The following DCDC2C variants were observed in gnomAD, a reference collection of about 807,000 sequenced individuals.
DCDC2C encodes doublecortin domain containing 2C.
DCDC2C carries 44 observed loss-of-function variants against 45.0 expected under a neutral mutation model. The ratio of observed to expected loss-of-function variants is 0.98; its 90% CI spans 0.77 to 1.26. The LOEUF (loss-of-function observed/expected upper bound fraction) is 1.26, where lower values mean the gene tolerates loss of function less well. Ranked by LOEUF, DCDC2C falls within the 50% of genes most tolerant of loss-of-function variation. DCDC2C has a pLI of 0.00. For synonymous variants in DCDC2C, 187 were observed against 178.8 expected, an observed-to-expected ratio of 1.05 and a Z score of -0.37; for missense variants, 447 against 468.9, an observed-to-expected ratio of 0.95 and a Z score of 0.43.
chr2:3,708,491 G>T, intron 1 of DCDC2C, 58 bp from the exon 2 acceptor site: 1 of 1,378,448 alleles, frequency 7.3e-7, no homozygotes. Context: ...AAGGAGTCTG[G>T]AACTTTCTAT....
At chr2:3,810,310 A>C (rs1671362266) in intron 10 of DCDC2C, among the ~76,000 whole-genome samples, 1 of 152,216 alleles carries the variant, frequency 6.6e-6, no homozygotes, top group African/African-American at 2.4e-5. Context: ...AGAGTATCTC[A>C]TTGTGGTTTT....
intron 10 of DCDC2C, among the ~76,000 whole-genome samples, chr2:3,829,289 T>C (rs1558245832): frequency 2.6e-5 from 4 of 151,484 alleles, no homozygotes; most frequent in South Asian, 2.1e-4. Context: ...TTTTTCTTTT[T>C]TTTTTTTTTT....
rs1671596774 is a variant in DCDC2C at position 3,818,004 on chromosome 2, G to T, written c.1066-29150G>T. Among the ~76,000 whole-genome samples the T allele has an allele frequency of 6.6e-6, 1 of 152,188 alleles. No homozygotes were observed. Among genetic ancestry groups the T allele is most frequent in the Non-Finnish European group, 1.5e-5 (1 of 68,032 alleles). On this transcript the variant is annotated intron_variant, in intron 10 of 10. Coordinates refer to ENST00000399143, the MANE Select transcript of DCDC2C (RefSeq NM_001287444.2). The surrounding 1 kb of genome is among the most constrained non-coding windows in gnomAD (Gnocchi z 4.7). ...CGGACACAATCAGCAGGGAGAGCAT[G>T]TGTGTTTTCATGAAGAATTATGCCA...
chr2:3,836,678 G>C (rs779670681), intron 10 of DCDC2C, among the ~76,000 whole-genome samples: 2 of 152,124 alleles, frequency 1.3e-5, no homozygotes, highest in Non-Finnish European at 2.9e-5. Flanking sequence ...CTGGCTAACA[G>C]GGTGAAACCC....
At chr2:3,808,314 T>G (rs1453465272) in intron 10 of DCDC2C, among the ~76,000 whole-genome samples, 1 of 152,250 alleles carries the variant, frequency 6.6e-6, no homozygotes, top group Non-Finnish European at 1.5e-5. Context: ...TACGCTTATT[T>G]GCCATTCACA....
intron 6 of DCDC2C, among the ~76,000 whole-genome samples, chr2:3,766,079 C>T (rs892735812): frequency 1.3e-5 from 2 of 152,110 alleles, no homozygotes; most frequent in African/African-American, 4.8e-5. Flanking sequence ...TTTTGGGTGA[C>T]TTTCCACGTC....
At chr2:3,752,033 A>G (rs1669558111) in intron 4 of DCDC2C, among the ~76,000 whole-genome samples, 1 of 152,028 alleles carries the variant, frequency 6.6e-6, no homozygotes, top group Non-Finnish European at 1.5e-5. Flanking sequence ...ACCGTACATG[A>G]TGAAATCCCA....
chr2:3,729,731 C>T (rs966857227), intron 3 of DCDC2C, among the ~76,000 whole-genome samples: 3 of 151,822 alleles, frequency 2.0e-5, no homozygotes, highest in Non-Finnish European at 2.9e-5. Context: ...TTTGTCAATG[C>T]TCTAAGAAGG....
At chr2:3,709,104 C>CT (rs919297295) in intron 2 of DCDC2C, among the ~76,000 whole-genome samples, 27 of 152,184 alleles carry the variant, frequency 1.8e-4, no homozygotes, top group African/African-American at 6.3e-4. Flanking sequence ...AGAGACATGC[C>CT]TTTTTTATAA....
chr2:3,714,795 T>G (rs1391160923), intron 2 of DCDC2C, among the ~76,000 whole-genome samples: 1 of 152,250 alleles, frequency 6.6e-6, no homozygotes, highest in African/African-American at 2.4e-5. Context: ...TGCAGTACTT[T>G]GGGCTGGCTG....
chr2:3,730,417 G>A (rs931809999), intron 3 of DCDC2C, among the ~76,000 whole-genome samples: 5 of 152,164 alleles, frequency 3.3e-5, no homozygotes, highest in African/African-American at 1.2e-4. Context: ...TATTGTGTCG[G>A]ATTGCCACTG....
At position 3,767,866 on chromosome 2, in the gene DCDC2C, T is replaced by C. The variant is rs1190686269; in HGVS notation, c.839T>C (p.Val280Ala). Residue 280 changes from valine (V) to alanine (A), a missense_variant, in exon 7 of 11, where the codon GTC becomes GCC. Coordinates refer to ENST00000399143, the MANE Select transcript of DCDC2C (RefSeq NM_001287444.2). Reference protein sequence around the residue: ...EKKKTLAEPLVQRGAEGDVYK... With the variant: ...EKKKTLAEPLAQRGAEGDVYK... The stretch of plus-strand genomic sequence containing the variant: ...AAGAAAACATTGGCAGAACCTTTAG[T>C]CCAAAGGGGTGCAGGTGACGTGCAG... 9.1e-6 allele frequency: 14 copies of C among 1,530,788 alleles called. No homozygotes were observed. In the South Asian group the frequency reaches 1.4e-4, roughly 15 times the overall value. 94.8% of individuals were successfully genotyped at this position (1,530,788 alleles called of 1,614,324 possible).
intron 10 of DCDC2C, among the ~76,000 whole-genome samples, chr2:3,839,980 C>T (rs759885079): frequency 3.3e-5 from 5 of 152,150 alleles, no homozygotes; most frequent in Non-Finnish European, 7.3e-5. Flanking sequence ...GCAGAGAAGC[C>T]CGTGGACTTC....
At position 3,829,225 on chromosome 2, in the gene DCDC2C, G is replaced by C. The variant is rs143769383; in HGVS notation, c.1066-17929G>C. On this transcript the variant is annotated intron_variant, in intron 10 of 10. Coordinates refer to ENST00000399143, the MANE Select transcript of DCDC2C (RefSeq NM_001287444.2). ...TGTGTGCTGTGAGCCTGAGAATCCGGATGCATAGCATTTTCAGGCTGGATT... is the reference window on the plus strand; with the variant it reads ...TGTGTGCTGTGAGCCTGAGAATCCGCATGCATAGCATTTTCAGGCTGGATT... 2.6e-5 allele frequency among the ~76,000 whole-genome samples: 4 copies of C among 151,426 alleles called. No individual in the cohort carries two copies. In the East Asian group the frequency reaches 7.8e-4, roughly 29 times the overall value.
chr2:3,704,223 G>C (rs1180882267), intron 1 of DCDC2C, 185 bp downstream of exon 1: 5 of 497,434 alleles, frequency 1.0e-5, no homozygotes, highest in Non-Finnish European at 1.6e-5. Flanking sequence ...TTTCCTGGGG[G>C]CGAAGCCGAG....
chr2:3,734,311 G>A lies in DCDC2C; in HGVS notation c.416+7232G>A, dbSNP rs1668959945. Among the ~76,000 whole-genome samples the A allele has an allele frequency of 6.6e-6, 1 of 152,202 alleles. No homozygotes were observed. Among genetic ancestry groups the A allele is most frequent in the Non-Finnish European group, 1.5e-5 (1 of 68,042 alleles). ...GATTAGTGATGGCATATCCAGCCTG[G>A]AAGGGCCCACCCTCCCTCCAGAGAT... On this transcript the variant is annotated intron_variant, in intron 3 of 10. Coordinates refer to ENST00000399143, the MANE Select transcript of DCDC2C (RefSeq NM_001287444.2). This position sits in a 1 kb window ranked among gnomAD's most constrained non-coding sequence, Gnocchi z 4.2.
intron 10 of DCDC2C, among the ~76,000 whole-genome samples, chr2:3,788,253 T>G (rs1047001563): frequency 6.6e-6 from 1 of 152,228 alleles, no homozygotes; most frequent in African/African-American, 2.4e-5. Flanking sequence ...AAATGTAAAC[T>G]ACAATCTTAA....
At chr2:3,808,828 C>A (rs1205164550) in intron 10 of DCDC2C, among the ~76,000 whole-genome samples, 5 of 152,150 alleles carry the variant, frequency 3.3e-5, no homozygotes, top group Admixed American at 3.3e-4. Context: ...CTATGCCTAA[C>A]CCAAAGTCTC....
intron 3 of DCDC2C, among the ~76,000 whole-genome samples, chr2:3,739,957 T>C (rs1393769410): frequency 2.0e-5 from 3 of 152,208 alleles, no homozygotes; most frequent in African/African-American, 7.2e-5. Context: ...CCCTAGAGTT[T>C]TGAGCAGTGG....
Sources: allele counts gnomAD v4.1 joint callset (sites outside exome capture counted in the v4.1 genomes callset), GRCh38; gene constraint gnomAD v4.1.1; non-coding constraint Gnocchi (gnomAD v3.1); transcripts MANE v1.5; gene names NCBI Gene and HGNC (gene_info 2026-07-23, HGNC 2026-07-21).